CPM: variants seen among roughly 807,000 people sequenced by gnomAD.
The protein encoded by CPM is carboxypeptidase M.
A neutral mutation model predicts 46.4 loss-of-function variants in CPM; 35 were observed. That is an observed-to-expected ratio of 0.75 (90% CI 0.58 to 1.00). The LOEUF (loss-of-function observed/expected upper bound fraction) is 1.00, where lower values mean the gene tolerates loss of function less well. Among genes scored for constraint, CPM ranks in the 50% least tolerant of loss-of-function variants. The pLI is 0.00. For synonymous variants in CPM, 195 were observed against 195.3 expected, an observed-to-expected ratio of 1.00 and a Z score of 0.01; for missense variants, 422 against 530.4, an observed-to-expected ratio of 0.80 and a Z score of 2.01.
intron 2 of CPM, among the ~76,000 whole-genome samples, chr12:68,927,364 T>C (rs1888313088): frequency 6.6e-6 from 1 of 152,096 alleles, no homozygotes; most frequent in Admixed American, 6.5e-5. Context: ...AATGTCTTCT[T>C]TTGAGAAGTG....
chr12:68,885,679 C>A, intron 3 of CPM, 113 bp downstream of exon 3: 2 of 839,210 alleles, frequency 2.4e-6, no homozygotes, highest in Non-Finnish European at 3.8e-6. Context: ...CTTCTTTGTA[C>A]AATGCATGCT....
intron 2 of CPM, among the ~76,000 whole-genome samples, chr12:68,892,927 G>A (rs1415567849): frequency 1.3e-5 from 2 of 152,020 alleles, no homozygotes; most frequent in East Asian, 1.9e-4. Flanking sequence ...GAGAACACAT[G>A]GACACAGGGA....
At chr12:68,937,008 G>C (rs1037044318), upstream of CPM, among the ~76,000 whole-genome samples, 2 of 152,170 alleles carry the variant, frequency 1.3e-5, no homozygotes, top group Admixed American at 1.3e-4. Flanking sequence ...ACTTTGTTTT[G>C]CTTATCACAA....
chr12:68,878,237 T>C (rs1283019654), intron 3 of CPM, among the ~76,000 whole-genome samples: 1 of 152,200 alleles, frequency 6.6e-6, no homozygotes, highest in African/African-American at 2.4e-5. Context: ...TTCCTGGGCA[T>C]AGGCTAAACT....
chr12:68,870,888 G>T (rs557778399), intron 4 of CPM, among the ~76,000 whole-genome samples: 3 of 152,272 alleles, frequency 2.0e-5, no homozygotes, highest in Admixed American at 2.0e-4. Context: ...CTAATTTTGG[G>T]GTGGTTCGTT....
rs1374702129 is a variant in CPM, at chr12:68,882,239, C to T, written c.258+3553G>A. On this transcript the variant is annotated intron_variant, in intron 3 of 8. Transcript: ENST00000551568. ...GTAGGTTTTTATCCTCACCATCCTC[C>T]CACCCTCCATCCTCAAGTAGATGCT... Among the ~76,000 whole-genome samples the T allele has an allele frequency of 3.9e-5, 6 of 151,916 alleles. 1 individual carries two copies. Among genetic ancestry groups the T allele is most frequent in the African/African-American group, 1.5e-4 (6 of 41,344 alleles).
chr12:68,891,617 G>A (rs966479966), intron 2 of CPM, among the ~76,000 whole-genome samples: 1 of 152,228 alleles, frequency 6.6e-6, no homozygotes, highest in Admixed American at 6.5e-5. Flanking sequence ...ATGGTACCAA[G>A]AGTATCAGTA....
At chr12:68,955,840 G>A (rs1188458010) in intron 1 of CPM, among the ~76,000 whole-genome samples, 2 of 152,144 alleles carry the variant, frequency 1.3e-5, no homozygotes, top group African/African-American at 2.4e-5. Flanking sequence ...GGGAGAAAGT[G>A]TGTATGGATT....
At chr12:68,938,896 CATACAT>C (rs1297725156) in intron 1 of CPM, among the ~76,000 whole-genome samples, 6 of 142,792 alleles carry the variant, frequency 4.2e-5, no homozygotes, top group African/African-American at 1.7e-4. Flanking sequence ...TATATATGTA[CATACAT>C]ATATATGTAT....
chr12:68,872,740 T>C (rs1003875859), intron 3 of CPM, among the ~76,000 whole-genome samples: 14 of 117,384 alleles, frequency 1.2e-4, no homozygotes, highest in African/African-American at 2.5e-4. Context: ...CATTGTAGAT[T>C]TTTTTTTTTT....
intron 1 of CPM, among the ~76,000 whole-genome samples, chr12:68,951,904 C>T (rs929589035): frequency 6.6e-6 from 1 of 152,198 alleles, no homozygotes; most frequent in Non-Finnish European, 1.5e-5. Context: ...AGGAAGGAGC[C>T]AGATGCCATC....
intron 3 of CPM, among the ~76,000 whole-genome samples, chr12:68,875,485 A>G (rs1289708717): frequency 6.6e-6 from 1 of 152,092 alleles, no homozygotes; most frequent in Non-Finnish European, 1.5e-5. Context: ...AAAGTTTTTA[A>G]TAATCTTTTT....
chr12:68,890,704 C>A (rs1886619311), intron 2 of CPM, among the ~76,000 whole-genome samples: 1 of 152,246 alleles, frequency 6.6e-6, no homozygotes, highest in African/African-American at 2.4e-5. Context: ...GGGCTTTCTT[C>A]CTGGCTATGA....
chr12:68,876,519 G>C (rs1885957336), intron 3 of CPM, among the ~76,000 whole-genome samples: 2 of 152,170 alleles, frequency 1.3e-5, no homozygotes, highest in Admixed American at 1.3e-4. Context: ...TTTTAAAAAA[G>C]AATGTGGTCA....
In CPM at chr12:68,869,492, G is replaced by A; in HGVS notation, c.620C>T (p.Thr207Ile). 3 of 1,599,758 alleles carry A rather than the reference G, an allele frequency of 1.9e-6. No individual in the cohort carries two copies. Among genetic ancestry groups the A allele is most frequent in the Non-Finnish European group, 2.6e-6 (3 of 1,172,548 alleles). ...SYPFDNGVQA[T>I]GALYSRSLTP... ...TAAGCTTCGGGAGTATAATGCCCCAGTTGCTGCATTTAAAAGATGAACCAA... is the reference window on the plus strand; with the variant it reads ...TAAGCTTCGGGAGTATAATGCCCCAATTGCTGCATTTAAAAGATGAACCAA... Residue 207 changes from threonine (T) to isoleucine (I), a missense_variant, in exon 6 of 9, where the codon ACT becomes ATT. Transcript: ENST00000551568.
chr12:68,871,513 C>T (rs1380237782), intron 4 of CPM, among the ~76,000 whole-genome samples: 1 of 151,800 alleles, frequency 6.6e-6, no homozygotes, highest in Non-Finnish European at 1.5e-5. Context: ...AGGAAGGAGG[C>T]CTAGAGGGGA....
intron 3 of CPM, among the ~76,000 whole-genome samples, 178 bp from the exon 4 acceptor site, chr12:68,872,134 C>T (rs375573711): frequency 2.6e-5 from 4 of 152,014 alleles, no homozygotes; most frequent in East Asian, 1.9e-4. Context: ...CATCAGGTGG[C>T]GATCAGTCCT....
Position 68,944,876 on chromosome 12 carries a change from G to GA in CPM, c.-3-12037dup, listed in dbSNP as rs576359650. On this transcript the variant is annotated intron_variant, in intron 1 of 8. Coordinates refer to the CPM transcript ENST00000546373. ...GTAATGGGTACTGCTGATTAGTTGG[G>GA]AAAAAAATCATAGGGGTGTGGAAAA... Among the ~76,000 whole-genome samples, 171 of 151,832 alleles carry GA rather than the reference G, an allele frequency of 1.1e-3. 3 individuals are homozygous for GA. Among genetic ancestry groups the GA allele is most frequent in the African/African-American group, 4.0e-3 (165 of 41,324 alleles).
intron 7 of CPM, among the ~76,000 whole-genome samples, chr12:68,862,903 T>C (rs1192321862): frequency 6.7e-6 from 1 of 149,910 alleles, no homozygotes; most frequent in East Asian, 1.9e-4. Context: ...ACAATACAAA[T>C]GAGAAGACAT....
Sources: gnomAD v4.1 joint callset for allele counts (sites outside exome capture counted in the v4.1 genomes callset) on GRCh38, gnomAD v4.1.1 for gene constraint, MANE v1.5 for transcripts, NCBI Gene and HGNC (gene_info 2026-07-23, HGNC 2026-07-21) for gene names.